Variants in RNF157 observed in about 807,000 individuals in gnomAD.
The protein encoded by RNF157 is ring finger protein 157, also known as E3 ubiquitin ligase RNF157.
A neutral mutation model predicts 88.3 loss-of-function variants in RNF157; 55 were observed. The observed-to-expected ratio is 0.62, with a 90% CI of 0.50 to 0.78. RNF157 has a LOEUF of 0.78. Ranked by LOEUF, RNF157 falls within the 30% of genes least tolerant of loss-of-function variation. The probability of loss-of-function intolerance (pLI) is 0.00; values close to 1 mark genes in which losing one functional copy is unlikely to be tolerated. For synonymous variants in RNF157, 334 were observed against 341.2 expected (o/e 0.98, Z 0.23); for missense variants, 788 against 860.8 (o/e 0.92, Z 1.06).
intron 1 of RNF157, 72 bp from the exon 2 acceptor site, chr17:76,212,554 C>T (rs1298650571): frequency 1.1e-6 from 1 of 920,656 alleles, no homozygotes; most frequent in South Asian, 1.4e-5. Context: ...AAAAAAAAAG[C>T]TGATTTTTAA....
At chr17:76,185,605 G>A (rs1026323207) in intron 2 of RNF157, among the ~76,000 whole-genome samples, 1 of 151,702 alleles carries the variant, frequency 6.6e-6, no homozygotes, top group Non-Finnish European at 1.5e-5. Context: ...GAGTAGCTGG[G>A]ACTACAGGCA....
chr17:76,162,519 A>G, intron 9 of RNF157, 33 bp downstream of exon 9: 1 of 1,542,184 alleles, frequency 6.5e-7, no homozygotes, highest in Non-Finnish European at 9.0e-7. Flanking sequence ...GCCTCCTGGA[A>G]AGAGTACATT....
At chr17:76,183,988 G>C (rs901670320) in intron 2 of RNF157, among the ~76,000 whole-genome samples, 1 of 152,080 alleles carries the variant, frequency 6.6e-6, no homozygotes, top group Non-Finnish European at 1.5e-5. Context: ...CCAGGAGTTT[G>C]AGACCAGCCT....
rs1322145431 is a variant in RNF157 at position 76,166,419 on chromosome 17, AGAGCAGTGT to A, written c.628+33_628+41del. 3 of 1,532,930 alleles carry A rather than the reference AGAGCAGTGT, an allele frequency of 2.0e-6. No individual in the cohort carries two copies. The Admixed American group carries it at 5.0e-5, about 26-fold the overall frequency. 95.0% of individuals were successfully genotyped at this position (1,532,930 alleles called of 1,614,324 possible). A position where few individuals can be genotyped will look rare whatever the true frequency, so the allele number is the denominator to read the frequency against. ...GCTGCTGCCAGGAATATGCCACAAA[AGAGCAGTGT>A]GCACAGCCAAAGAGGACAGAAATCG... On this transcript the variant is annotated intron_variant, in intron 6 of 18. Transcript: ENST00000269391.
At chr17:76,164,452 C>A in intron 8 of RNF157, 2 of 242,910 alleles carry the variant, frequency 8.2e-6, no homozygotes, top group Non-Finnish European at 1.6e-5. Context: ...CTTGTTCTTT[C>A]ATTTCTCAAG....
intron 6 of RNF157, among the ~76,000 whole-genome samples, chr17:76,166,243 G>T (rs562289196): frequency 6.6e-6 from 1 of 152,022 alleles, no homozygotes; most frequent in Non-Finnish European, 1.5e-5. Context: ...CCAAACTGCT[G>T]GGATTATACG....
At chr17:76,212,235 TCTA>T (rs1279092080) in intron 2 of RNF157, 126 bp downstream of exon 2, 21 of 675,836 alleles carry the variant, frequency 3.1e-5, no homozygotes, top group Non-Finnish European at 5.1e-5. Flanking sequence ...CAGTTTGTCT[TCTA>T]GTGCATCTCT....
chr17:76,150,692 G>A (rs575382593), intron 18 of RNF157, among the ~76,000 whole-genome samples: 10 of 152,354 alleles, frequency 6.6e-5, no homozygotes, highest in Admixed American at 6.5e-4. Flanking sequence ...CATAGCCCTT[G>A]CCACAGAAGC....
intron 6 of RNF157, 135 bp from the exon 7 acceptor site, chr17:76,165,680 A>C: frequency 1.2e-5 from 10 of 850,060 alleles, no homozygotes; most frequent in South Asian, 7.9e-5. Flanking sequence ...TATATAACCC[A>C]TACTTTTTTT....
chr17:76,189,874 G>A (rs925361119), intron 2 of RNF157, among the ~76,000 whole-genome samples: 8 of 152,218 alleles, frequency 5.3e-5, no homozygotes, highest in Non-Finnish European at 1.2e-4. Flanking sequence ...CAGCTGGTGG[G>A]ATGAAAAGGC....
At chr17:76,193,144 T>C (rs1339478695) in intron 2 of RNF157, among the ~76,000 whole-genome samples, 2 of 152,184 alleles carry the variant, frequency 1.3e-5, no homozygotes, top group Non-Finnish European at 2.9e-5. Context: ...CACAAGACTT[T>C]GGGCAAATAA....
chr17:76,171,097 T>C (rs1203820718), intron 3 of RNF157, among the ~76,000 whole-genome samples: 1 of 152,072 alleles, frequency 6.6e-6, no homozygotes, highest in Non-Finnish European at 1.5e-5. Context: ...TTTCACTGTG[T>C]TAGCCAGGAT....
At chr17:76,166,659 A>T in intron 5 of RNF157, 132 bp from the exon 6 acceptor site, 1 of 764,306 alleles carries the variant, frequency 1.3e-6, no homozygotes, top group Non-Finnish European at 2.1e-6. Flanking sequence ...TAGCCTTGTT[A>T]ATTACCCAAG....
At chr17:76,147,205 A>G (rs1192196844) in intron 18 of RNF157, 1 of 984,682 alleles carries the variant, frequency 1.0e-6, no homozygotes, top group Non-Finnish European at 1.2e-6. Flanking sequence ...TATTGCCTTT[A>G]AAGTGAAGAA....
intron 1 of RNF157, among the ~76,000 whole-genome samples, chr17:76,231,630 T>A (rs2070194900): frequency 6.6e-6 from 1 of 152,104 alleles, no homozygotes; most frequent in African/African-American, 2.4e-5. Flanking sequence ...CATCTCCACT[T>A]ATTTAAAAAA....
At chr17:76,192,236 A>G (rs2069399375) in intron 2 of RNF157, among the ~76,000 whole-genome samples, 1 of 152,250 alleles carries the variant, frequency 6.6e-6, no homozygotes, top group African/African-American at 2.4e-5. Context: ...GTTAAGAAAC[A>G]TGGCATCAAA....
chr17:76,170,755 T>A (rs1038011313), intron 3 of RNF157, among the ~76,000 whole-genome samples: 6 of 152,228 alleles, frequency 3.9e-5, no homozygotes, highest in African/African-American at 1.4e-4. Flanking sequence ...TAGTTCAGGA[T>A]TCTGATTTCC....
chr17:76,230,561 C>T lies in RNF157; in HGVS notation c.88+9592G>A, dbSNP rs146151105. ...TATTTCTTAAAAGGAGATACTGAGCCGGGCATGGTGGCTCACACCTATAAT... is the reference window on the plus strand; with the variant it reads ...TATTTCTTAAAAGGAGATACTGAGCTGGGCATGGTGGCTCACACCTATAAT... On this transcript the variant is annotated intron_variant, in intron 1 of 18. Coordinates refer to ENST00000269391, the MANE Select transcript of RNF157 (RefSeq NM_052916.3). 1.9e-3 allele frequency among the ~76,000 whole-genome samples: 286 copies of T among 152,192 alleles called. 1 individual carries two copies. The highest frequency in any genetic ancestry group is 3.4e-3 in the Admixed American group (52 of 15,286).
In RNF157 at chr17:76,146,359, T is replaced by C. The variant is rs192790006; in HGVS notation, c.1922-1006A>G. The C allele has an allele frequency of 2.0e-3, 1,963 of 985,426 alleles. 2 individuals are homozygous for C. Among genetic ancestry groups the C allele is most frequent in the Non-Finnish European group, 2.1e-3 (1,737 of 829,930 alleles). 61.0% of individuals were successfully genotyped at this position (985,426 alleles called of 1,614,324 possible). A position where few individuals can be genotyped will look rare whatever the true frequency, so the allele number is the denominator to read the frequency against. On this transcript the variant is annotated intron_variant, in intron 18 of 18. Coordinates refer to ENST00000269391, the MANE Select transcript of RNF157 (RefSeq NM_052916.3). This position sits in a 1 kb window ranked among gnomAD's most constrained non-coding sequence, Gnocchi z 4.2. Reference sequence around the variant, plus strand: ...GTTGGTGAGTATCTGACTCCTAGAATAGCCTGTGCTCAGGCTCCTCCAGGC... The same window carrying C: ...GTTGGTGAGTATCTGACTCCTAGAACAGCCTGTGCTCAGGCTCCTCCAGGC...
Sources: gnomAD v4.1 joint callset for allele counts (sites outside exome capture counted in the v4.1 genomes callset) on GRCh38, gnomAD v4.1.1 for gene constraint, Gnocchi (gnomAD v3.1) non-coding constraint, MANE v1.5 for transcripts, NCBI Gene and HGNC (gene_info 2026-07-23, HGNC 2026-07-21) for gene names.